The following CDH12 variants were observed in gnomAD, a reference collection of about 807,000 sequenced individuals.
CDH12 encodes cadherin-12.
Under a neutral mutation model 74.1 loss-of-function variants are expected in CDH12, and 41 were observed. The ratio of observed to expected loss-of-function variants is 0.55; its 90% CI spans 0.43 to 0.72. The LOEUF (loss-of-function observed/expected upper bound fraction) is 0.72. Ranked by LOEUF, CDH12 falls within the 30% of genes least tolerant of loss-of-function variation. The probability of loss-of-function intolerance (pLI) is 0.00; values close to 1 mark genes in which losing one functional copy is unlikely to be tolerated. For synonymous variants in CDH12, 399 were observed against 355.0 expected (o/e 1.12, Z -1.39); for missense variants, 945 against 977.2 (o/e 0.97, Z 0.44).
chr5:22,353,026 T>A (rs1389894091), intron 3 of CDH12, among the ~76,000 whole-genome samples: 2 of 152,122 alleles, frequency 1.3e-5, no homozygotes, highest in Non-Finnish European at 2.9e-5. Flanking sequence ...CTTATGCTAG[T>A]TAGAGGGCTG....
intron 6 of CDH12, among the ~76,000 whole-genome samples, chr5:21,860,619 G>A (rs1013182512): frequency 5.3e-5 from 8 of 152,092 alleles, no homozygotes; most frequent in Middle Eastern, 3.2e-3. Flanking sequence ...AGTGCAGCTA[G>A]AATAAAGCAG....
chr5:22,386,033 C>T (rs4701584), intron 3 of CDH12, among the ~76,000 whole-genome samples: 45,589 of 151,524 alleles, frequency 0.3, 6,859 homozygotes, highest in East Asian at 0.35. Flanking sequence ...GCTGGGATTA[C>T]AGGCATGTGG....
At chr5:22,056,053 C>T (rs1561063531) in intron 5 of CDH12, among the ~76,000 whole-genome samples, 2 of 151,884 alleles carry the variant, frequency 1.3e-5, no homozygotes, top group South Asian at 2.1e-4. Flanking sequence ...TATATATTTG[C>T]AAAATTTTTT....
At chr5:21,927,718 C>T (rs1161293142) in intron 6 of CDH12, among the ~76,000 whole-genome samples, 2 of 151,950 alleles carry the variant, frequency 1.3e-5, no homozygotes, top group Non-Finnish European at 1.5e-5. Context: ...AGACTGTGGT[C>T]AGGGATTCAG....
intron 2 of CDH12, among the ~76,000 whole-genome samples, chr5:22,491,248 T>C (rs753854655): frequency 6.6e-6 from 1 of 152,182 alleles, no homozygotes; most frequent in Non-Finnish European, 1.5e-5. Flanking sequence ...ACATGTGGTA[T>C]GTGGTTTTCT....
chr5:21,758,198 C>A (rs2149867274), intron 13 of CDH12, among the ~76,000 whole-genome samples: 1 of 152,164 alleles, frequency 6.6e-6, no homozygotes, highest in Non-Finnish European at 1.5e-5. Flanking sequence ...ATAAATATTT[C>A]CCCCTTTTTT....
At chr5:21,928,045 C>G (rs972998742) in intron 6 of CDH12, among the ~76,000 whole-genome samples, 4 of 151,808 alleles carry the variant, frequency 2.6e-5, no homozygotes, top group African/African-American at 4.8e-5. Context: ...GTGCTCCAGC[C>G]TGGGAGACAG....
intron 4 of CDH12, among the ~76,000 whole-genome samples, chr5:22,104,617 C>T (rs1744325012): frequency 6.6e-6 from 1 of 152,122 alleles, no homozygotes; most frequent in Non-Finnish European, 1.5e-5. Context: ...ATTAGAAATA[C>T]TGGCTGATGT....
chr5:22,466,294 T>G (rs1384298045), intron 2 of CDH12, among the ~76,000 whole-genome samples: 3 of 152,208 alleles, frequency 2.0e-5, no homozygotes, highest in Non-Finnish European at 2.9e-5. Flanking sequence ...GTTTGTTTTT[T>G]GTTTGCTTGT....
intron 4 of CDH12, among the ~76,000 whole-genome samples, chr5:22,144,902 T>C (rs898039862): frequency 2.0e-5 from 3 of 152,128 alleles, no homozygotes; most frequent in Admixed American, 6.5e-5. Context: ...AAATAGACTA[T>C]ATATATTCTG....
chr5:22,302,820 T>C (rs1737947141), intron 3 of CDH12, among the ~76,000 whole-genome samples: 1 of 152,078 alleles, frequency 6.6e-6, no homozygotes, highest in African/African-American at 2.4e-5. Flanking sequence ...TCATCATGAA[T>C]GTTAAGTGCA....
intron 5 of CDH12, among the ~76,000 whole-genome samples, chr5:22,044,510 G>A (rs1047250932): frequency 2.0e-5 from 3 of 152,138 alleles, no homozygotes; most frequent in Admixed American, 6.5e-5. Flanking sequence ...CATGAGAATA[G>A]CATGGAGGAA....
chr5:22,085,784 T>C (rs1368218952), intron 4 of CDH12, among the ~76,000 whole-genome samples: 1 of 152,208 alleles, frequency 6.6e-6, no homozygotes, highest in African/African-American at 2.4e-5. Flanking sequence ...ATGTTATTCT[T>C]CACCTTGAAA....
intron 3 of CDH12, among the ~76,000 whole-genome samples, chr5:22,275,020 A>G (rs1342426158): frequency 6.6e-6 from 1 of 152,178 alleles, no homozygotes; most frequent in Non-Finnish European, 1.5e-5. Flanking sequence ...GTAAAATTCA[A>G]CATTATGAAA....
At chr5:22,389,799 C>A (rs1382617981) in intron 3 of CDH12, among the ~76,000 whole-genome samples, 3 of 151,650 alleles carry the variant, frequency 2.0e-5, no homozygotes, top group Non-Finnish European at 4.4e-5. Flanking sequence ...AGGCGCCCAC[C>A]ACCACGCCCG....
intron 11 of CDH12, chr5:21,779,205 T>C (rs960258516): frequency 2.0e-5 from 3 of 152,192 alleles, no homozygotes; most frequent in East Asian, 1.9e-4. Flanking sequence ...TATTTATTTA[T>C]TTATTCACTT....
At chr5:22,479,634 T>C (rs913548292) in intron 2 of CDH12, among the ~76,000 whole-genome samples, 1 of 152,204 alleles carries the variant, frequency 6.6e-6, no homozygotes, top group Non-Finnish European at 1.5e-5. Flanking sequence ...ATCGTAAACA[T>C]TTAAAACAGC....
At chr5:22,027,908 G>T (rs1738490883) in intron 5 of CDH12, among the ~76,000 whole-genome samples, 1 of 152,026 alleles carries the variant, frequency 6.6e-6, no homozygotes, top group Non-Finnish European at 1.5e-5. Context: ...TGTGATTTTA[G>T]GGTGTCAATT....
chr5:22,156,762 A>T (rs1448066952), intron 4 of CDH12, among the ~76,000 whole-genome samples: 1 of 152,186 alleles, frequency 6.6e-6, no homozygotes. Context: ...TTGTCTCCTT[A>T]GCCTTTTGAC....
Sources: allele counts gnomAD v4.1 joint callset (sites outside exome capture counted in the v4.1 genomes callset), GRCh38; gene constraint gnomAD v4.1.1; transcripts MANE v1.5; gene names NCBI Gene and HGNC (gene_info 2026-07-23, HGNC 2026-07-21).